The following ANKMY1 variants were observed in gnomAD, a reference collection of about 807,000 sequenced individuals.
ANKMY1 encodes the protein ankyrin repeat and MYND domain containing 1, also known as ankyrin repeat and MYND domain-containing protein 1.
A neutral mutation model predicts 102.0 loss-of-function variants in ANKMY1; 98 were observed. The ratio of observed to expected loss-of-function variants is 0.96; its 90% CI spans 0.82 to 1.14. The LOEUF (loss-of-function observed/expected upper bound fraction) is 1.14. ANKMY1 is among the 50% of genes most tolerant of loss of function. ANKMY1 has a pLI of 0.00. For missense variants in ANKMY1, 1,330 were observed against 1,347.6 expected, an observed-to-expected ratio of 0.99 and a Z score of 0.20; for synonymous variants, 582 against 559.9, an observed-to-expected ratio of 1.04 and a Z score of -0.56.
chr2:240,511,392 C>A (rs554087640), intron 11 of ANKMY1, among the ~76,000 whole-genome samples: 2 of 152,376 alleles, frequency 1.3e-5, no homozygotes, highest in South Asian at 4.1e-4. Context: ...CCACCCCAGC[C>A]GCTGGGCATC....
chr2:240,472,275 G>A, the ANKMY1 span, among the ~76,000 whole-genome samples: 1 of 133,594 alleles, frequency 7.5e-6, no homozygotes, highest in Non-Finnish European at 1.7e-5. Context: ...CCGCACGCGG[G>A]GAGGCAGGCC....
chr2:240,543,563 T>C (rs1433005881), intron 4 of ANKMY1, among the ~76,000 whole-genome samples: 1 of 152,162 alleles, frequency 6.6e-6, no homozygotes, highest in Non-Finnish European at 1.5e-5. Flanking sequence ...ATGTTGTTAC[T>C]TTAATGAAAG....
rs200630640 is a variant in ANKMY1, at chr2:240,526,375, A to G, written c.1024T>C (p.Cys342Arg). ...LEGKRSGFAP[C>R]GPKEQLSMEM... ...ATGGAAAGTTGCTCTTTGGGCCCAC[A>G]GGGTGCAAAGCCACTGCGCTTCCCC... Residue 342 changes from cysteine to arginine, a missense_variant, in exon 6 of 18, where the codon TGT becomes CGT. Physicochemically the swap from Cys to Arg is radical, Grantham distance 180. Coordinates refer to ENST00000401804, the MANE Select transcript of ANKMY1 (RefSeq NM_001282771.3). 6.2e-7 allele frequency: 1 copy of G among 1,614,206 alleles called. No homozygotes were observed. Among genetic ancestry groups the G allele is most frequent in the East Asian group, 2.2e-5 (1 of 44,886 alleles).
In ANKMY1 at chr2:240,520,495, C is replaced by A. The variant is rs766315371; in HGVS notation, c.1871G>T (p.Arg624Leu). 2 of 1,613,212 alleles carry A rather than the reference C, an allele frequency of 1.2e-6. No homozygotes were observed. The highest frequency in any genetic ancestry group is 1.7e-6 in the Non-Finnish European group (2 of 1,179,704). Residue 624 changes from arginine (R) to leucine (L), a missense_variant, in exon 9 of 18, where the codon CGC becomes CTC. Transcript: ENST00000401804. The surrounding 1 kb of genome is among the most constrained non-coding windows in gnomAD (Gnocchi z 4.8). ...KRWRTIKLLL[R>L]RGADPNLCCV... ...GCACAGGTTGGGGTCCGCGCCCCGG[C>A]GCAGCAGCAGCTTGATGGTCCGCCA...
the ANKMY1 span, among the ~76,000 whole-genome samples, chr2:240,469,141 C>T: frequency 6.6e-6 from 1 of 152,240 alleles, no homozygotes; most frequent in Non-Finnish European, 1.5e-5. Flanking sequence ...GGCAGGATCT[C>T]AGGCTTCCAG....
intron 4 of ANKMY1, among the ~76,000 whole-genome samples, chr2:240,543,710 A>G (rs2089596879): frequency 6.6e-6 from 1 of 152,146 alleles, no homozygotes; most frequent in Non-Finnish European, 1.5e-5. Flanking sequence ...ATCTAGATAA[A>G]CTGCTAAAAA....
Position 240,500,027 on chromosome 2 carries a change from G to A in ANKMY1, c.2737C>T (p.Gln913Ter). Reference protein sequence around the residue: ...RKRLLEYMGLQLRQAVFAKES... With the variant: ...RKRLLEYMGL ...TTGGCAAAGACAGCCTGCCGTAGCT[G>A]CAAGCCCATGTACTCCAGGAGCCGC... Residue 913 changes from glutamine (Q) to a stop codon, truncating the protein, a stop_gained, in exon 15 of 18, where the codon CAG (glutamine) becomes TAG (stop). Coordinates refer to ENST00000401804, the MANE Select transcript of ANKMY1 (RefSeq NM_001282771.3). LOFTEE classifies it high-confidence loss of function. 1 of 1,613,026 alleles carries A rather than the reference G, an allele frequency of 6.2e-7. No individual in the cohort carries two copies. The highest frequency in any genetic ancestry group is 8.5e-7 in the Non-Finnish European group (1 of 1,179,790).
At chr2:240,473,123 T>TAAAAAAAAAAAAAAAAAAAAAAAAAAAA in the ANKMY1 span, among the ~76,000 whole-genome samples, 1 of 108,522 alleles carries the variant, frequency 9.2e-6, no homozygotes, top group African/African-American at 4.1e-5. Flanking sequence ...AAACTCTGTC[T>TAAAAAAAAAAAAAAAAAAAAAAAAAAAA]AAAAAAAAAA....
intron 17 of ANKMY1, among the ~76,000 whole-genome samples, chr2:240,479,951 C>T (rs2075164245): frequency 6.6e-6 from 1 of 152,168 alleles, no homozygotes; most frequent in Non-Finnish European, 1.5e-5. Flanking sequence ...GTGGCTCATG[C>T]CTGTAATCCC....
chr2:240,525,999 G>A (rs867090743), intron 6 of ANKMY1, 150 bp from the exon 7 acceptor site: 29 of 1,098,278 alleles, frequency 2.6e-5, no homozygotes, highest in Middle Eastern at 5.3e-4. Context: ...GACAAGTGTG[G>A]GACAGAGGAA....
chr2:240,557,432 G>GC, intron 1 of ANKMY1, 80 bp from the exon 2 acceptor site: 3 of 1,393,638 alleles, frequency 2.2e-6, no homozygotes, highest in Non-Finnish European at 2.8e-6. Flanking sequence ...CCCGGCCCGC[G>GC]GCCCCTGAGC....
chr2:240,553,304 G>T, intron 3 of ANKMY1: 1 of 523,566 alleles, frequency 1.9e-6, no homozygotes, highest in Non-Finnish European at 3.5e-6. Flanking sequence ...CTGTGGGGAG[G>T]CTTAAAACTA....
At chr2:240,481,595 A>C (rs4676437) in intron 16 of ANKMY1, among the ~76,000 whole-genome samples, 122,925 of 152,144 alleles carry the variant, frequency 0.81, 49,859 homozygotes, top group East Asian at 0.99. Context: ...CATCACCTCG[A>C]TGGGTTGCTC....
intron 12 of ANKMY1, chr2:240,507,908 G>C: frequency 2.2e-6 from 1 of 459,776 alleles, no homozygotes; most frequent in Non-Finnish European, 3.7e-6. Context: ...CCCATGGCTG[G>C]TCTGTTAGGG....
chr2:240,550,997 G>A (rs560542470), intron 4 of ANKMY1, among the ~76,000 whole-genome samples: 18 of 152,304 alleles, frequency 1.2e-4, no homozygotes, highest in African/African-American at 4.3e-4. Context: ...TCAGGTGTCT[G>A]ATAACTTTGG....
At chr2:240,510,722 T>C (rs1224745163) in intron 11 of ANKMY1, among the ~76,000 whole-genome samples, 1 of 152,142 alleles carries the variant, frequency 6.6e-6, no homozygotes, top group Non-Finnish European at 1.5e-5. Flanking sequence ...CCTTCTGGGA[T>C]ACAGATGTGA....
upstream of ANKMY1, chr2:240,560,986 T>G: frequency 6.5e-7 from 1 of 1,544,406 alleles, no homozygotes; most frequent in Non-Finnish European, 8.6e-7. Context: ...GCCTGCCTAG[T>G]CTACTGCAAG....
chr2:240,518,254 C>G (rs1049750797), intron 9 of ANKMY1, among the ~76,000 whole-genome samples: 3 of 152,182 alleles, frequency 2.0e-5, no homozygotes, highest in African/African-American at 7.2e-5. Context: ...ACCAGCAGTC[C>G]TCCTAAATAG....
the ANKMY1 span, among the ~76,000 whole-genome samples, chr2:240,474,134 C>T: frequency 5.9e-5 from 9 of 151,874 alleles, no homozygotes; most frequent in Non-Finnish European, 8.8e-5. Flanking sequence ...CTCACTCTGT[C>T]GCCCAGACTG....
Sources: allele counts gnomAD v4.1 joint callset (sites outside exome capture counted in the v4.1 genomes callset), GRCh38; gene constraint gnomAD v4.1.1; non-coding constraint Gnocchi (gnomAD v3.1); transcripts MANE v1.5; gene names NCBI Gene and HGNC (gene_info 2026-07-23, HGNC 2026-07-21).